The following LOC400499 variants were observed in gnomAD, a reference collection of about 807,000 sequenced individuals.
chr16:11,509,126 T>TG, the LOC400499 span, among the ~76,000 whole-genome samples: 4 of 149,434 alleles, frequency 2.7e-5, no homozygotes, highest in African/African-American at 9.8e-5. Context: ...TTTTCTTTTT[T>TG]TTTTTTTTTT....
At chr16:11,404,535 T>C in the LOC400499 span, among the ~76,000 whole-genome samples, 1 of 152,278 alleles carries the variant, frequency 6.6e-6, no homozygotes, top group Admixed American at 6.5e-5. Flanking sequence ...TTAGTAGAGA[T>C]GGGGTTTCAC....
chr16:11,394,640 GCC>G, the LOC400499 span, among the ~76,000 whole-genome samples: 8 of 152,218 alleles, frequency 5.3e-5, no homozygotes, highest in Non-Finnish European at 1.0e-4. Flanking sequence ...TCAAGTTGAG[GCC>G]ATAGTGGATG....
chr16:11,479,915 C>T, the LOC400499 span, among the ~76,000 whole-genome samples: 1 of 152,034 alleles, frequency 6.6e-6, no homozygotes, highest in Admixed American at 6.6e-5. Context: ...GTTTTTTAGT[C>T]TTTGATTGTT....
chr16:11,400,472 C>T, the LOC400499 span, among the ~76,000 whole-genome samples: 1 of 130,690 alleles, frequency 7.7e-6, no homozygotes, highest in Non-Finnish European at 1.5e-5. Flanking sequence ...GAGACTGTCT[C>T]ACTCTGTTAC....
At chr16:11,376,057 C>T in the LOC400499 span, among the ~76,000 whole-genome samples, 2 of 152,114 alleles carry the variant, frequency 1.3e-5, no homozygotes, top group Admixed American at 1.3e-4. Context: ...ATTGTTGAAC[C>T]GGGTTGGGTT....
At chr16:11,375,654 A>G in the LOC400499 span, among the ~76,000 whole-genome samples, 7 of 150,832 alleles carry the variant, frequency 4.6e-5, no homozygotes, top group African/African-American at 1.7e-4. Flanking sequence ...ATAATTAGTG[A>G]TGTTGAGCAT....
chr16:11,519,353 G>A, the LOC400499 span, among the ~76,000 whole-genome samples: 48 of 152,164 alleles, frequency 3.2e-4, no homozygotes, highest in Non-Finnish European at 6.2e-4. Context: ...TGTGTGTGGT[G>A]GATGAGTGGA....
chr16:11,405,722 T>TG, the LOC400499 span, among the ~76,000 whole-genome samples: 1 of 152,166 alleles, frequency 6.6e-6, no homozygotes, highest in East Asian at 1.9e-4. Flanking sequence ...CTGCCCATTA[T>TG]GGGGCTTCCT....
chr16:11,401,342 T>G, the LOC400499 span: 1 of 399,318 alleles, frequency 2.5e-6, no homozygotes, highest in Non-Finnish European at 4.4e-6. Context: ...GTTGAATGGG[T>G]GAGCCAGGGC....
At chr16:11,514,144 C>A in the LOC400499 span, among the ~76,000 whole-genome samples, 4 of 152,194 alleles carry the variant, frequency 2.6e-5, no homozygotes, top group Non-Finnish European at 5.9e-5. Context: ...GGAAAAGGGA[C>A]TCAACCAAGC....
the LOC400499 span, among the ~76,000 whole-genome samples, chr16:11,449,713 ACTG>A: frequency 2.6e-5 from 4 of 152,210 alleles, no homozygotes; most frequent in African/African-American, 9.7e-5. Context: ...GTCCCATGTC[ACTG>A]ATCCTTGGTT....
chr16:11,411,282 CAG>C, the LOC400499 span: 6 of 399,254 alleles, frequency 1.5e-5, no homozygotes, highest in African/African-American at 1.2e-4. Context: ...GGCAGAGACC[CAG>C]GAGGAAGGGG....
the LOC400499 span, chr16:11,457,014 T>C: frequency 6.5e-7 from 1 of 1,533,672 alleles, no homozygotes; most frequent in African/African-American, 1.4e-5. Flanking sequence ...GCAATCCACC[T>C]GCCTCTCAGG....
the LOC400499 span, among the ~76,000 whole-genome samples, chr16:11,509,960 G>A: frequency 6.8e-6 from 1 of 146,512 alleles, no homozygotes; most frequent in African/African-American, 2.6e-5. Flanking sequence ...CTCTGGAGAG[G>A]GGGGACTCAT....
the LOC400499 span, among the ~76,000 whole-genome samples, chr16:11,490,346 C>T: frequency 2.2e-5 from 3 of 136,956 alleles, no homozygotes; most frequent in African/African-American, 8.3e-5. Context: ...CAGTGAGCCA[C>T]AACTGTGCCA....
chr16:11,465,820 TG>T, the LOC400499 span, among the ~76,000 whole-genome samples: 1 of 61,292 alleles, frequency 1.6e-5, no homozygotes, highest in Non-Finnish European at 2.9e-5. Context: ...GTAGAAGACA[TG>T]GGGGAAAGTG....
the LOC400499 span, chr16:11,413,015 G>C: frequency 2.5e-6 from 1 of 398,970 alleles, no homozygotes. Context: ...CTCACAGGCT[G>C]GGTGGGGACC....
At chr16:11,401,213 C>G in the LOC400499 span, 17 of 398,902 alleles carry the variant, frequency 4.3e-5, no homozygotes, top group African/African-American at 2.9e-4. Flanking sequence ...GGCTCAGTCA[C>G]GCGGCTCCCA....
the LOC400499 span, chr16:11,494,478 G>T: frequency 5.1e-6 from 2 of 390,320 alleles, no homozygotes; most frequent in African/African-American, 2.1e-5. Flanking sequence ...GCAAAGGGGG[G>T]AACCCACCCC....
Sources: allele counts gnomAD v4.1 joint callset (sites outside exome capture counted in the v4.1 genomes callset), GRCh38; gene constraint gnomAD v4.1.1; transcripts MANE v1.5.